Variants in INVS observed in about 807,000 individuals in gnomAD.
INVS encodes inversin.
In INVS, 86 loss-of-function variants were observed where a neutral mutation model predicts 108.8. The observed-to-expected ratio is 0.79, with a 90% CI of 0.66 to 0.95. INVS has a LOEUF of 0.95. Ranked by LOEUF, INVS falls within the 40% of genes least tolerant of loss-of-function variation. The probability of loss-of-function intolerance (pLI) is 0.00; values close to 1 mark genes in which losing one functional copy is unlikely to be tolerated. For missense variants in INVS, 1,169 were observed against 1,297.4 expected, an observed-to-expected ratio of 0.90 and a Z score of 1.52; for synonymous variants, 455 against 473.5, an observed-to-expected ratio of 0.96 and a Z score of 0.51.
At chr9:100,226,680 G>A (rs1831332581) in intron 4 of INVS, among the ~76,000 whole-genome samples, 3 of 152,024 alleles carry the variant, frequency 2.0e-5, no homozygotes, top group African/African-American at 4.8e-5. Flanking sequence ...GGGCATGTTG[G>A]CATGCGCTTG....
At chr9:100,198,417 A>G (rs888282167) in intron 3 of INVS, among the ~76,000 whole-genome samples, 2 of 149,522 alleles carry the variant, frequency 1.3e-5, no homozygotes, top group South Asian at 2.1e-4. Context: ...CCTGCCTCCA[A>G]AGTAGCTGGG....
chr9:100,209,862 A>G (rs535311723), intron 3 of INVS, among the ~76,000 whole-genome samples: 1 of 151,102 alleles, frequency 6.6e-6, no homozygotes, highest in East Asian at 1.9e-4. Context: ...ACTTTTCGTC[A>G]TCGAGTTCTT....
Position 100,301,156 on chromosome 9 carries a change from CACACACACACACACACACACACAT to C in INVS, c.*484_*507del, listed in dbSNP as rs1271308512. Among the ~76,000 whole-genome samples the C allele has an allele frequency of 1.8e-5, 2 of 108,864 alleles. No homozygotes were observed. The highest frequency in any genetic ancestry group is 2.0e-4 in the Admixed American group (2 of 10,182). The allele number at this position is 108,864 out of a possible 152,430, so 71.4% of individuals were successfully genotyped here. On this transcript the variant is annotated 3_prime_UTR_variant, in exon 17 of 17. Transcript: ENST00000262457. ...CAAACTTATCACACACACACACACA[CACACACACACACACACACACACAT>C]ATCACGTCCCACTATTACTTCAAAA...
intron 3 of INVS, among the ~76,000 whole-genome samples, chr9:100,188,444 T>G (rs7856844): frequency 0.51 from 78,083 of 151,920 alleles, 21,148 homozygotes; most frequent in African/African-American, 0.62. Context: ...TGATTGTATG[T>G]TTTTTATTTT....
intron 1 of INVS, among the ~76,000 whole-genome samples, chr9:100,100,125 C>T (rs995590416): frequency 6.6e-6 from 1 of 152,000 alleles, no homozygotes; most frequent in African/African-American, 2.4e-5. Flanking sequence ...TATAATTAGG[C>T]AAGGATGATG....
chr9:100,210,357 G>A (rs952988301), intron 3 of INVS, among the ~76,000 whole-genome samples: 2 of 152,168 alleles, frequency 1.3e-5, no homozygotes, highest in African/African-American at 4.8e-5. Context: ...TGGAAGGAGT[G>A]GGAGTAAGAT....
intron 2 of INVS, among the ~76,000 whole-genome samples, chr9:100,108,832 G>C (rs1379065205): frequency 6.6e-6 from 1 of 152,192 alleles, no homozygotes; most frequent in Non-Finnish European, 1.5e-5. Flanking sequence ...AGGAGGACTG[G>C]AGAGGCCTTC....
At chr9:100,231,842 G>A (rs1398849941) in intron 5 of INVS, among the ~76,000 whole-genome samples, 1 of 152,152 alleles carries the variant, frequency 6.6e-6, no homozygotes, top group Non-Finnish European at 1.5e-5. Context: ...ATAGTAGAAT[G>A]ATTTATAATC....
At position 100,272,855 on chromosome 9, in the gene INVS, C is replaced by A; in HGVS notation, c.1572-9C>A. 6.2e-7 allele frequency: 1 copy of A among 1,611,376 alleles called. No homozygotes were observed. Among genetic ancestry groups the A allele is most frequent in the Non-Finnish European group, 8.5e-7 (1 of 1,177,628 alleles). On this transcript the variant is annotated splice_polypyrimidine_tract_variant and intron_variant, in intron 11 of 16. Coordinates refer to ENST00000262457, the MANE Select transcript of INVS (RefSeq NM_014425.5). Reference sequence around the variant, plus strand: ...ATTAAAAAAAAAAGAAATCTTCCTCCCACTTCAGATACACACCCCTTGATT... The same window carrying A: ...ATTAAAAAAAAAAGAAATCTTCCTCACACTTCAGATACACACCCCTTGATT...
intron 3 of INVS, among the ~76,000 whole-genome samples, chr9:100,207,236 A>G (rs1415319442): frequency 6.6e-6 from 1 of 152,152 alleles, no homozygotes; most frequent in Non-Finnish European, 1.5e-5. Flanking sequence ...GTTGGTTGTT[A>G]TGATGATGGC....
chr9:100,192,151 A>G (rs1482567075), intron 3 of INVS, among the ~76,000 whole-genome samples: 1 of 152,028 alleles, frequency 6.6e-6, no homozygotes. Context: ...CTTCTTGAAC[A>G]AAAGTTCACA....
chr9:100,196,978 G>C (rs1830395548), intron 3 of INVS, among the ~76,000 whole-genome samples: 1 of 152,130 alleles, frequency 6.6e-6, no homozygotes, highest in Non-Finnish European at 1.5e-5. Flanking sequence ...CAAGCAAGCA[G>C]TCAGTTCTGT....
chr9:100,113,325 A>G (rs986348982), intron 2 of INVS, among the ~76,000 whole-genome samples: 2 of 152,228 alleles, frequency 1.3e-5, no homozygotes, highest in African/African-American at 4.8e-5. Context: ...CTGAAAAAGA[A>G]TATCTGCCTC....
At position 100,297,974 on chromosome 9, in the gene INVS, T is replaced by C; in HGVS notation, c.3055T>C (p.Ser1019Pro). 2 of 1,614,182 alleles carry C rather than the reference T, an allele frequency of 1.2e-6. No individual in the cohort carries two copies. Among genetic ancestry groups the C allele is most frequent in the East Asian group, 4.5e-5 (2 of 44,888 alleles). ...AGGGAAAATACATCATCCTACAAGA[T>C]CTGTAAAAGCCTCTTCTGTGCTGCG... ...HEGKIHHPTRSVKASSVLRLN... is the reference protein window; with the variant it reads ...HEGKIHHPTRPVKASSVLRLN... Residue 1019 changes from serine to proline, a missense_variant, in exon 16 of 17, where the codon TCT (serine) becomes CCT (proline). Coordinates refer to ENST00000262457, the MANE Select transcript of INVS (RefSeq NM_014425.5).
chr9:100,138,547 C>A (rs1828310396), intron 3 of INVS, among the ~76,000 whole-genome samples: 1 of 152,026 alleles, frequency 6.6e-6, no homozygotes, highest in African/African-American at 2.4e-5. Flanking sequence ...CTGTACCCAG[C>A]TTCTACCCTT....
At chr9:100,110,624 G>C (rs756688788) in intron 2 of INVS, among the ~76,000 whole-genome samples, 1 of 151,968 alleles carries the variant, frequency 6.6e-6, no homozygotes, top group Non-Finnish European at 1.5e-5. Context: ...GGACTCCTCA[G>C]AACAAAAATA....
At chr9:100,133,284 C>T (rs1324321503) in intron 3 of INVS, among the ~76,000 whole-genome samples, 1 of 152,108 alleles carries the variant, frequency 6.6e-6, no homozygotes, top group East Asian at 1.9e-4. Context: ...TCTCCTCAGT[C>T]TGTCTTGATT....
chr9:100,230,739 G>A (rs545527409), intron 5 of INVS, among the ~76,000 whole-genome samples: 2 of 152,100 alleles, frequency 1.3e-5, no homozygotes, highest in Admixed American at 6.6e-5. Context: ...GGATGGTCTC[G>A]ACCTCTTGAC....
Position 100,117,609 on chromosome 9 carries a change from G to GCC in INVS, c.107-8767_107-8766dup, listed in dbSNP as rs370853317. 2.4e-5 allele frequency: 6 copies of GCC among 245,982 alleles called. No homozygotes were observed. The East Asian group carries it at 2.6e-4, about 11-fold the overall frequency. 15.2% of individuals were successfully genotyped at this position (245,982 alleles called of 1,614,324 possible). A position where few individuals can be genotyped will look rare whatever the true frequency, so the allele number is the denominator to read the frequency against. On this transcript the variant is annotated intron_variant, in intron 2 of 16. Coordinates refer to ENST00000262457, the MANE Select transcript of INVS (RefSeq NM_014425.5). ...GGGCCACCAGGGCCTCCGGCCCCCCGCCCCCCCCGCCCACCTCCCGCTGCA... is the reference window on the plus strand; with the variant it reads ...GGGCCACCAGGGCCTCCGGCCCCCCGCCCCCCCCCCGCCCACCTCCCGCTGCA...
Sources: gnomAD v4.1 joint callset for allele counts (sites outside exome capture counted in the v4.1 genomes callset) on GRCh38, gnomAD v4.1.1 for gene constraint, MANE v1.5 for transcripts, NCBI Gene and HGNC (gene_info 2026-07-23, HGNC 2026-07-21) for gene names.